BRSK1: variants seen among roughly 807,000 people sequenced by gnomAD.
The protein encoded by BRSK1 is BR serine/threonine kinase 1, also known as serine/threonine-protein kinase BRSK1.
Under a neutral mutation model 86.2 loss-of-function variants are expected in BRSK1, and 17 were observed. The observed-to-expected ratio is 0.20, with a 90% CI of 0.14 to 0.30. BRSK1 has a LOEUF of 0.30. BRSK1 is among the 10% of genes least tolerant of loss of function. BRSK1 has a pLI of 1.00. For synonymous variants in BRSK1, 464 were observed against 440.1 expected (o/e 1.05, Z -0.68); for missense variants, 719 against 1,071.9 (o/e 0.67, Z 4.60).
Position 55,301,497 on chromosome 19 carries a change from T to C in BRSK1, c.679-15T>C. ...GAAATGTGCTAATGAGGGGTCCTGG[T>C]TATCTCTTGCCCAGGGGGCTCTGCC... On this transcript the variant is annotated splice_polypyrimidine_tract_variant and intron_variant, in intron 7 of 18. Transcript: ENST00000309383. 6.2e-7 allele frequency: 1 copy of C among 1,612,688 alleles called. No homozygotes were observed. Among genetic ancestry groups the C allele is most frequent in the Non-Finnish European group, 8.5e-7 (1 of 1,179,544 alleles).
In BRSK1 at chr19:55,302,042, G is replaced by A; in HGVS notation, c.826-95G>A. On this transcript the variant is annotated intron_variant, in intron 8 of 18. Transcript: ENST00000309383. The surrounding 1 kb of genome is among the most constrained non-coding windows in gnomAD (Gnocchi z 6.3). Reference sequence around the variant, plus strand: ...CCCCCGGTGGGGTGGGCGGGGAGATGATCAGGGACCCCAAAACCACCCCAG... The same window carrying A: ...CCCCCGGTGGGGTGGGCGGGGAGATAATCAGGGACCCCAAAACCACCCCAG... 7.1e-7 allele frequency: 1 copy of A among 1,406,390 alleles called. No homozygotes were observed. The highest frequency in any genetic ancestry group is 2.3e-5 in the East Asian group (1 of 43,888). The allele number at this position is 1,406,390 out of a possible 1,614,324, so 87.1% of individuals were successfully genotyped here.
intron 3 of BRSK1, among the ~76,000 whole-genome samples, chr19:55,288,319 T>C (rs2088351512): frequency 6.6e-6 from 1 of 151,694 alleles, no homozygotes; most frequent in Non-Finnish European, 1.5e-5. Context: ...CTACAAAAAA[T>C]ACAAAAATTA....
In BRSK1 at chr19:55,304,069, GCCTCCACGGGTCTGT is replaced by G. The variant is rs2088611186; in HGVS notation, c.1313_1327del (p.Thr438_Ser442del). 1 of 1,612,108 alleles carries G rather than the reference GCCTCCACGGGTCTGT, an allele frequency of 6.2e-7. No individual in the cohort carries two copies. Among genetic ancestry groups the G allele is most frequent in the Admixed American group, 1.7e-5 (1 of 59,758 alleles). ...AAACAGATCCCGTAGCGTCAGTGGA[GCCTCCACGGGTCTGT>G]CCTCCAGCCCTCTAAGCAGCCCAAG... On this transcript the variant is annotated inframe_deletion, in exon 13 of 19. Coordinates refer to ENST00000309383, the MANE Select transcript of BRSK1 (RefSeq NM_032430.2). The surrounding 1 kb of genome is among the most constrained non-coding windows in gnomAD (Gnocchi z 5.2).
rs755411496 is a variant in BRSK1 at position 55,302,683 on chromosome 19, C to G, written c.858-14C>G. 5 of 1,597,156 alleles carry G rather than the reference C, an allele frequency of 3.1e-6. 1 individual carries two copies. In the Admixed American group the frequency reaches 8.6e-5, roughly 28 times the overall value. On this transcript the variant is annotated splice_polypyrimidine_tract_variant and intron_variant, in intron 9 of 18. Coordinates refer to ENST00000309383, the MANE Select transcript of BRSK1 (RefSeq NM_032430.2). This position sits in a 1 kb window ranked among gnomAD's most constrained non-coding sequence, Gnocchi z 6.3. ...AGAAGCCCGGTTCCCAATAATGTTT[C>G]TCCACTTCCCCAGAGGCGGGAAACA...
chr19:55,289,439 A>G, intron 3 of BRSK1, 41 bp from the exon 4 acceptor site: 1 of 1,587,788 alleles, frequency 6.3e-7, no homozygotes, highest in East Asian at 2.2e-5. Context: ...TTGGTCCTCC[A>G]CATGCCCCTT....
At chr19:55,305,418 C>T (rs779565216) in intron 15 of BRSK1, 45 bp from the exon 16 acceptor site, 2 of 1,614,098 alleles carry the variant, frequency 1.2e-6, no homozygotes, top group Non-Finnish European at 1.7e-6. Context: ...GATTCATGCC[C>T]TCGGCGCCTT....
chr19:55,285,879 G>GT (rs762573135), intron 1 of BRSK1, among the ~76,000 whole-genome samples: 3 of 152,050 alleles, frequency 2.0e-5, no homozygotes, highest in Non-Finnish European at 2.9e-5. Context: ...ATCCTGAGTG[G>GT]TAAGAGTGTG....
chr19:55,311,393 C>T (rs2088790758), intron 18 of BRSK1, among the ~76,000 whole-genome samples: 1 of 152,192 alleles, frequency 6.6e-6, no homozygotes, highest in African/African-American at 2.4e-5. Flanking sequence ...AGGAGGTGGC[C>T]TCAGGACCCA....
intron 1 of BRSK1, 42 bp downstream of exon 1, chr19:55,284,620 T>G (rs963524169): frequency 1.3e-5 from 15 of 1,174,770 alleles, no homozygotes; most frequent in Non-Finnish European, 1.6e-5. Flanking sequence ...GGGGGCAGGG[T>G]GGAGGTGGCG....
chr19:55,303,230 CGGA>C lies in BRSK1; in HGVS notation c.1029-76_1029-74del. The C allele has an allele frequency of 9.0e-7, 1 of 1,110,052 alleles. No homozygotes were observed. Among genetic ancestry groups the C allele is most frequent in the Non-Finnish European group, 1.4e-6 (1 of 728,568 alleles). 68.8% of individuals were successfully genotyped at this position (1,110,052 alleles called of 1,614,324 possible). On this transcript the variant is annotated intron_variant, in intron 10 of 18. Transcript: ENST00000309383. The surrounding 1 kb of genome is among the most constrained non-coding windows in gnomAD (Gnocchi z 5.1). Reference sequence around the variant, plus strand: ...GAACCATGGGCAGAAATACAGGGAGCGGAGGAGACCTCCTCTGAGCATTGATGT... The same window carrying C: ...GAACCATGGGCAGAAATACAGGGAGCGGAGACCTCCTCTGAGCATTGATGT...
chr19:55,288,836 C>T (rs924728935), intron 3 of BRSK1, among the ~76,000 whole-genome samples: 1 of 152,122 alleles, frequency 6.6e-6, no homozygotes, highest in Non-Finnish European at 1.5e-5. Flanking sequence ...CCACCCACTT[C>T]GGCCTCCCAA....
chr19:55,290,753 T>A (rs1321813058), intron 4 of BRSK1, among the ~76,000 whole-genome samples: 1 of 152,118 alleles, frequency 6.6e-6, no homozygotes, highest in Non-Finnish European at 1.5e-5. Context: ...GCCATTCTCC[T>A]GCCTCAGCCT....
chr19:55,293,644 C>T (rs2088441791), intron 4 of BRSK1, among the ~76,000 whole-genome samples: 2 of 150,648 alleles, frequency 1.3e-5, no homozygotes, highest in East Asian at 2.0e-4. Flanking sequence ...AACCCCGTCT[C>T]TACTAAAAAT....
rs939407926 is a variant in BRSK1, at chr19:55,303,839, G to C, written c.1286+13G>C. The C allele has an allele frequency of 6.4e-7, 1 of 1,557,812 alleles. No individual in the cohort carries two copies. Among genetic ancestry groups the C allele is most frequent in the Non-Finnish European group, 8.7e-7 (1 of 1,152,174 alleles). On this transcript the variant is annotated intron_variant, in intron 12 of 18. Coordinates refer to ENST00000309383, the MANE Select transcript of BRSK1 (RefSeq NM_032430.2). This position sits in a 1 kb window ranked among gnomAD's most constrained non-coding sequence, Gnocchi z 5.1. ...AGCACAGCCAGAGGTGGGAGCCCCT[G>C]TCCCTCCAGGAGGATCCACAATCCC...
chr19:55,284,488 C>CCCCG lies in BRSK1; in HGVS notation c.46_47insCCCG (p.His16ProfsTer35). 8.3e-7 allele frequency: 1 copy of CCCCG among 1,205,254 alleles called. No homozygotes were observed. The highest frequency in any genetic ancestry group is 2.0e-5 in the South Asian group (1 of 51,110). The allele number at this position is 1,205,254 out of a possible 1,614,324, so 74.7% of individuals were successfully genotyped here. A position where few individuals can be genotyped will look rare whatever the true frequency, so the allele number is the denominator to read the frequency against. ...GGGAGGTGGGGGCTCTCCCGCCTAC[C>CCCCG]ACCTCCCCCACCCCCACCCCCACCC... On this transcript the variant is annotated frameshift_variant, in exon 1 of 19. Transcript: ENST00000309383. LOFTEE classifies it high-confidence loss of function.
In BRSK1 at chr19:55,304,807, C is replaced by T; in HGVS notation, c.1604C>T (p.Thr535Ile). Residue 535 changes from threonine (T) to isoleucine (I), a missense_variant, in exon 14 of 19, where the codon ACA becomes ATA. Coordinates refer to ENST00000309383, the MANE Select transcript of BRSK1 (RefSeq NM_032430.2). The surrounding 1 kb of genome is among the most constrained non-coding windows in gnomAD (Gnocchi z 5.2). ...RASPTGTPGTTPPPSPGGGVG... is the reference protein window; with the variant it reads ...RASPTGTPGTIPPPSPGGGVG... The stretch of plus-strand genomic sequence containing the variant: ...AGTCCCACCGGGACCCCGGGGACAA[C>T]ACCACCCCCCAGCCCCGGCGGTGGC... The T allele has an allele frequency of 6.3e-7, 1 of 1,575,606 alleles. No individual in the cohort carries two copies. The highest frequency in any genetic ancestry group is 8.6e-7 in the Non-Finnish European group (1 of 1,164,332).
chr19:55,300,510 C>T (rs2088555217), intron 7 of BRSK1, among the ~76,000 whole-genome samples: 1 of 152,152 alleles, frequency 6.6e-6, no homozygotes, highest in Non-Finnish European at 1.5e-5. Context: ...CAAGACCAGC[C>T]TGGCCAACGT....
In BRSK1 at chr19:55,302,449, G is replaced by C; in HGVS notation, c.858-248G>C. 1 of 618,076 alleles carries C rather than the reference G, an allele frequency of 1.6e-6. No homozygotes were observed. Among genetic ancestry groups the C allele is most frequent in the South Asian group, 2.0e-5 (1 of 49,474 alleles). The allele number at this position is 618,076 out of a possible 1,614,324, so 38.3% of individuals were successfully genotyped here. On this transcript the variant is annotated intron_variant, in intron 9 of 18. Transcript: ENST00000309383. This position sits in a 1 kb window ranked among gnomAD's most constrained non-coding sequence, Gnocchi z 6.3. ...CCGAGGGAGGAGGGGCTGGGGGCCT[G>C]GACTTCTGGGTCTGAAGAAGGAGGG...
At chr19:55,285,925 G>A (rs975291459) in intron 1 of BRSK1, among the ~76,000 whole-genome samples, 1 of 152,018 alleles carries the variant, frequency 6.6e-6, no homozygotes, top group Non-Finnish European at 1.5e-5. Context: ...AGTTACAGGA[G>A]AAGAAGGGGT....
Sources: allele counts gnomAD v4.1 joint callset (sites outside exome capture counted in the v4.1 genomes callset), GRCh38; gene constraint gnomAD v4.1.1; non-coding constraint Gnocchi (gnomAD v3.1); transcripts MANE v1.5; gene names NCBI Gene and HGNC (gene_info 2026-07-23, HGNC 2026-07-21).